The following CDH12 variants were observed in gnomAD, a reference collection of about 807,000 sequenced individuals.
CDH12 encodes the protein cadherin-12.
In CDH12, 41 loss-of-function variants were observed where a neutral mutation model predicts 74.1. That is an observed-to-expected ratio of 0.55 (90% CI 0.43 to 0.72). The LOEUF (loss-of-function observed/expected upper bound fraction) is 0.72, where lower values mean the gene tolerates loss of function less well. CDH12 is among the 30% of genes least tolerant of loss of function. CDH12 has a pLI of 0.00. For synonymous variants in CDH12, 399 were observed against 355.0 expected, an observed-to-expected ratio of 1.12 and a Z score of -1.39; for missense variants, 945 against 977.2, an observed-to-expected ratio of 0.97 and a Z score of 0.44.
intron 1 of CDH12, among the ~76,000 whole-genome samples, chr5:22,634,735 G>A (rs1188220617): frequency 6.6e-6 from 1 of 151,974 alleles, no homozygotes; most frequent in Non-Finnish European, 1.5e-5. Flanking sequence ...ATGTAATTAA[G>A]AACATTTAAT....
At chr5:21,888,787 G>T (rs1170828846) in intron 6 of CDH12, among the ~76,000 whole-genome samples, 1 of 151,784 alleles carries the variant, frequency 6.6e-6, no homozygotes, top group East Asian at 1.9e-4. Context: ...ATTGATAAAT[G>T]TTCAGTTTCT....
chr5:22,347,453 C>T (rs1439652513), intron 3 of CDH12, among the ~76,000 whole-genome samples: 1 of 152,162 alleles, frequency 6.6e-6, no homozygotes, highest in Non-Finnish European at 1.5e-5. Context: ...CAGGGGCTTC[C>T]AGACCTTCAG....
chr5:22,700,286 A>G (rs1742646381), intron 1 of CDH12, among the ~76,000 whole-genome samples: 1 of 152,188 alleles, frequency 6.6e-6, no homozygotes, highest in Non-Finnish European at 1.5e-5. Flanking sequence ...CACTTCAAAC[A>G]TCCTGTGGAC....
intron 1 of CDH12, among the ~76,000 whole-genome samples, chr5:22,570,885 A>G (rs1739509709): frequency 6.6e-6 from 1 of 152,168 alleles, no homozygotes; most frequent in Non-Finnish European, 1.5e-5. Context: ...AGCCACCTTC[A>G]TCAATTATCT....
chr5:22,745,434 T>C (rs1023891049), intron 1 of CDH12, among the ~76,000 whole-genome samples: 3 of 152,144 alleles, frequency 2.0e-5, no homozygotes, highest in Non-Finnish European at 2.9e-5. Flanking sequence ...CACAGAGGAA[T>C]ATAAATCATT....
intron 1 of CDH12, among the ~76,000 whole-genome samples, chr5:22,772,945 C>T (rs1746887768): frequency 6.6e-6 from 1 of 151,876 alleles, no homozygotes; most frequent in South Asian, 2.1e-4. Flanking sequence ...TACAACGAAC[C>T]AAGGAGGTGA....
At chr5:22,359,580 C>G (rs1219293320) in intron 3 of CDH12, among the ~76,000 whole-genome samples, 1 of 152,148 alleles carries the variant, frequency 6.6e-6, no homozygotes, top group African/African-American at 2.4e-5. Context: ...CCAAGTGGAC[C>G]TAATAGACAT....
rs184845793 is a variant in CDH12, at chr5:22,029,620, A to C, written c.231+48826T>G. Among the ~76,000 whole-genome samples, 1,379 of 152,286 alleles carry C rather than the reference A, an allele frequency of 9.1e-3. 12 individuals carry two copies. The highest frequency in any genetic ancestry group is 0.032 in the African/African-American group (1,309 of 41,546). ...TTAAAAAGTCAGGAAACAACAGGTG[A>C]TAGAGATGATGTGGAGAAATTGGAA... is the stretch of plus-strand genomic sequence containing the variant. On this transcript the variant is annotated intron_variant, in intron 5 of 14. Transcript: ENST00000382254.
intron 3 of CDH12, among the ~76,000 whole-genome samples, chr5:22,236,366 C>T (rs1297406493): frequency 6.6e-6 from 1 of 152,108 alleles, no homozygotes; most frequent in East Asian, 1.9e-4. Flanking sequence ...TATTTTATGT[C>T]CTTATTCTAT....
intron 3 of CDH12, among the ~76,000 whole-genome samples, chr5:22,313,433 A>G (rs1211584375): frequency 6.6e-6 from 1 of 152,158 alleles, no homozygotes; most frequent in African/African-American, 2.4e-5. Context: ...TTTTTTGAGT[A>G]GAAGACTAAT....
At chr5:22,470,466 T>C (rs1049002696) in intron 2 of CDH12, among the ~76,000 whole-genome samples, 1 of 151,812 alleles carries the variant, frequency 6.6e-6, no homozygotes, top group Non-Finnish European at 1.5e-5. Context: ...TTGCTCAGGC[T>C]GGAAAACAGT....
intron 1 of CDH12, among the ~76,000 whole-genome samples, chr5:22,626,526 C>A (rs1185109193): frequency 6.6e-6 from 1 of 152,134 alleles, no homozygotes; most frequent in Non-Finnish European, 1.5e-5. Context: ...AGCTAGTTGA[C>A]CTAACATCCC....
intron 6 of CDH12, among the ~76,000 whole-genome samples, chr5:21,958,179 ATAATTG>A (rs144591470): frequency 0.013 from 2,007 of 152,226 alleles, 14 homozygotes; most frequent in African/African-American, 0.024. Context: ...ACCTTCTTCT[ATAATTG>A]TAAGTTTCCT....
At chr5:21,960,147 A>G (rs1756291171) in intron 6 of CDH12, among the ~76,000 whole-genome samples, 1 of 152,098 alleles carries the variant, frequency 6.6e-6, no homozygotes. Context: ...GAAAATTAAC[A>G]ATGATATTCA....
At chr5:22,258,049 CA>C (rs1282532775) in intron 3 of CDH12, among the ~76,000 whole-genome samples, 1 of 151,948 alleles carries the variant, frequency 6.6e-6, no homozygotes, top group Non-Finnish European at 1.5e-5. Flanking sequence ...TGTAAGTGTA[CA>C]ATATTTATAA....
At chr5:22,594,223 G>A (rs577513160) in intron 1 of CDH12, among the ~76,000 whole-genome samples, 44 of 152,202 alleles carry the variant, frequency 2.9e-4, no homozygotes, top group African/African-American at 9.4e-4. Flanking sequence ...CATACTCCCC[G>A]CTTCCTAGCT....
chr5:22,132,418 A>G (rs957603544), intron 4 of CDH12, among the ~76,000 whole-genome samples: 1 of 152,006 alleles, frequency 6.6e-6, no homozygotes, highest in Non-Finnish European at 1.5e-5. Context: ...TTTCCATTAG[A>G]TACTTGCCAC....
At chr5:21,836,953 C>T (rs1336170760) in intron 8 of CDH12, among the ~76,000 whole-genome samples, 3 of 151,872 alleles carry the variant, frequency 2.0e-5, no homozygotes, top group Non-Finnish European at 2.9e-5. Flanking sequence ...ATTTGAAGAC[C>T]GTTTTCTGGG....
intron 4 of CDH12, among the ~76,000 whole-genome samples, chr5:22,141,966 T>C (rs1055687078): frequency 3.3e-5 from 5 of 152,062 alleles, no homozygotes; most frequent in African/African-American, 1.2e-4. Flanking sequence ...TTGCCCAGAG[T>C]TGTACGGCCA....
Sources: gnomAD v4.1 joint callset for allele counts (sites outside exome capture counted in the v4.1 genomes callset) on GRCh38, gnomAD v4.1.1 for gene constraint, MANE v1.5 for transcripts, NCBI Gene and HGNC (gene_info 2026-07-23, HGNC 2026-07-21) for gene names.